Variants in DISC1 observed in about 807,000 individuals in gnomAD.
The protein encoded by DISC1 is disrupted in schizophrenia 1 protein.
A neutral mutation model predicts 84.5 loss-of-function variants in DISC1; 57 were observed. The observed-to-expected ratio is 0.67, with a 90% confidence interval of 0.55 to 0.84. The LOEUF (loss-of-function observed/expected upper bound fraction) is 0.84. Among genes scored for constraint, DISC1 ranks in the 40% least tolerant of loss-of-function variants. The probability of loss-of-function intolerance (pLI) is 0.00; values close to 1 mark genes in which losing one functional copy is unlikely to be tolerated. For synonymous variants in DISC1, 411 were observed against 415.2 expected (o/e 0.99, Z 0.12); for missense variants, 1,000 against 1,057.8 (o/e 0.95, Z 0.76).
At chr1:231,705,497 A>AAAGG (rs1460500799) in intron 3 of DISC1, among the ~76,000 whole-genome samples, 1 of 151,706 alleles carries the variant, frequency 6.6e-6, no homozygotes, top group Non-Finnish European at 1.5e-5. Flanking sequence ...GAAGAGGGAG[A>AAAGG]AAGGGCACTG....
intron 5 of DISC1, among the ~76,000 whole-genome samples, chr1:231,769,001 T>A (rs938982560): frequency 6.6e-6 from 1 of 152,112 alleles, no homozygotes; most frequent in African/African-American, 2.4e-5. Context: ...GAGGCCCATG[T>A]GGCTGGAGCA....
At chr1:231,815,571 T>C (rs2080861964) in intron 8 of DISC1, among the ~76,000 whole-genome samples, 1 of 152,090 alleles carries the variant, frequency 6.6e-6, no homozygotes, top group African/African-American at 2.4e-5. Flanking sequence ...ACCCCGGCTC[T>C]ACTAAAAAAT....
chr1:231,833,389 T>TA (rs1344475584), intron 9 of DISC1, among the ~76,000 whole-genome samples: 1 of 151,476 alleles, frequency 6.6e-6, no homozygotes, highest in Admixed American at 6.6e-5. Flanking sequence ...GGGAAGGACT[T>TA]ACCCTCCACT....
intron 9 of DISC1, among the ~76,000 whole-genome samples, chr1:231,882,688 A>G (rs975633877): frequency 3.9e-5 from 6 of 152,148 alleles, no homozygotes; most frequent in Non-Finnish European, 5.9e-5. Context: ...GAAAGGTTTA[A>G]TCACTGTCCC....
chr1:231,954,349 T>C lies in DISC1; in HGVS notation c.1982-4479T>C, dbSNP rs1225929189. Among the ~76,000 whole-genome samples, 3 of 152,246 alleles carry C rather than the reference T, an allele frequency of 2.0e-5. No homozygotes were observed. Among genetic ancestry groups the C allele is most frequent in the Admixed American group, 6.5e-5 (1 of 15,290 alleles). Reference sequence around the variant, plus strand: ...CTCCTGTAGCATGATGTGTGTTTCATGCACTCTACTGTTTTCACTGATTTA... The same window carrying C: ...CTCCTGTAGCATGATGTGTGTTTCACGCACTCTACTGTTTTCACTGATTTA... On this transcript the variant is annotated intron_variant, in intron 9 of 12. Coordinates refer to ENST00000439617, the MANE Select transcript of DISC1 (RefSeq NM_018662.3). This position sits in a 1 kb window ranked among gnomAD's most constrained non-coding sequence, Gnocchi z 4.8.
At chr1:231,725,220 C>T (rs1003530295) in intron 3 of DISC1, among the ~76,000 whole-genome samples, 2 of 152,166 alleles carry the variant, frequency 1.3e-5, no homozygotes, top group Admixed American at 6.5e-5. Context: ...GTTCTGCACG[C>T]ACAGAATACA....
At chr1:231,864,690 A>C (rs539928306) in intron 9 of DISC1, among the ~76,000 whole-genome samples, 17 of 152,188 alleles carry the variant, frequency 1.1e-4, no homozygotes, top group East Asian at 3.9e-4. Context: ...ACAACAACAA[A>C]AAAATCTGAG....
chr1:231,834,527 G>A (rs928165386), intron 9 of DISC1, among the ~76,000 whole-genome samples: 7 of 152,234 alleles, frequency 4.6e-5, no homozygotes, highest in Admixed American at 6.5e-5. Flanking sequence ...AAAATTGAAC[G>A]TGCCGTTTTC....
At chr1:231,923,217 G>A (rs539782894) in intron 9 of DISC1, among the ~76,000 whole-genome samples, 70 of 151,420 alleles carry the variant, frequency 4.6e-4, no homozygotes, top group African/African-American at 1.6e-3. Context: ...AACTGGGGAG[G>A]CAGAGGTTGC....
At chr1:231,781,366 G>A (rs1252129110) in intron 6 of DISC1, among the ~76,000 whole-genome samples, 5 of 151,990 alleles carry the variant, frequency 3.3e-5, no homozygotes, top group African/African-American at 1.2e-4. Flanking sequence ...ATTATTCTTA[G>A]TATTATTATT....
At chr1:231,772,600 C>T (rs930488768) in intron 6 of DISC1, among the ~76,000 whole-genome samples, 11 of 152,104 alleles carry the variant, frequency 7.2e-5, no homozygotes, top group African/African-American at 1.9e-4. Context: ...ATGGATGAAC[C>T]GAGGTAGTAC....
intron 12 of DISC1, among the ~76,000 whole-genome samples, chr1:232,032,111 G>A (rs1385205248): frequency 1.3e-5 from 2 of 152,162 alleles, no homozygotes; most frequent in African/African-American, 4.8e-5. Context: ...GTTCCAATGA[G>A]CATTTCCTTT....
intron 3 of DISC1, among the ~76,000 whole-genome samples, chr1:231,725,486 C>T (rs761747520): frequency 1.4e-4 from 21 of 152,150 alleles, no homozygotes; most frequent in Admixed American, 6.5e-4. Flanking sequence ...TTCTAAATAA[C>T]CCACCCCTCA....
chr1:231,679,621 A>G (rs201133416), intron 1 of DISC1, among the ~76,000 whole-genome samples: 25 of 152,356 alleles, frequency 1.6e-4, no homozygotes, highest in Admixed American at 2.6e-4. Flanking sequence ...AGTAAAATGT[A>G]TTGCTTTGTT....
intron 9 of DISC1, among the ~76,000 whole-genome samples, chr1:231,909,625 A>T (rs1001476130): frequency 6.6e-6 from 1 of 152,130 alleles, no homozygotes; most frequent in Non-Finnish European, 1.5e-5. Context: ...TATTAGTCTA[A>T]AATTCTCTTT....
intron 9 of DISC1, among the ~76,000 whole-genome samples, chr1:231,930,159 C>T (rs1427813883): frequency 1.1e-4 from 17 of 152,082 alleles, no homozygotes; most frequent in Non-Finnish European, 2.9e-5. Flanking sequence ...AAAATGTTCC[C>T]CTTATTATTT....
intron 6 of DISC1, among the ~76,000 whole-genome samples, chr1:231,782,598 G>A (rs1434714600): frequency 6.6e-6 from 1 of 152,148 alleles, no homozygotes; most frequent in East Asian, 1.9e-4. Context: ...TAAATACTTA[G>A]AAATTTAGGA....
intron 9 of DISC1, among the ~76,000 whole-genome samples, chr1:231,930,289 C>T (rs2090579738): frequency 6.6e-6 from 1 of 152,110 alleles, no homozygotes; most frequent in Admixed American, 6.6e-5. Flanking sequence ...ACGGAGTTCA[C>T]AGGGTAGCCC....
intron 10 of DISC1, among the ~76,000 whole-genome samples, chr1:231,976,500 A>G (rs1662824570): frequency 6.6e-6 from 1 of 152,232 alleles, no homozygotes; most frequent in South Asian, 2.1e-4. Flanking sequence ...TCCAGTTCAC[A>G]TAGGATAATA....
Sources: allele counts gnomAD v4.1 joint callset (sites outside exome capture counted in the v4.1 genomes callset), GRCh38; gene constraint gnomAD v4.1.1; non-coding constraint Gnocchi (gnomAD v3.1); transcripts MANE v1.5; gene names NCBI Gene and HGNC (gene_info 2026-07-23, HGNC 2026-07-21).